Variants in FMN2 observed in about 807,000 individuals in gnomAD.
FMN2 encodes formin-2.
Under a neutral mutation model 142.3 loss-of-function variants are expected in FMN2, and 51 were observed. The ratio of observed to expected loss-of-function variants is 0.36; its 90% CI spans 0.29 to 0.45. The LOEUF (loss-of-function observed/expected upper bound fraction) is 0.45, where lower values mean the gene tolerates loss of function less well. Among genes scored for constraint, FMN2 ranks in the 20% least tolerant of loss-of-function variants. FMN2 has a pLI of 1.00. For missense variants in FMN2, 1,936 were observed against 2,122.8 expected (o/e 0.91, Z 1.73); for synonymous variants, 882 against 869.8 (o/e 1.01, Z -0.25).
chr1:240,311,501 C>G (rs1449621141), intron 8 of FMN2, among the ~76,000 whole-genome samples: 1 of 151,938 alleles, frequency 6.6e-6, no homozygotes, highest in African/African-American at 2.4e-5. Flanking sequence ...TGCAAGTATG[C>G]TCATTTTCAA....
At chr1:240,163,847 T>C (rs543837598) in intron 2 of FMN2, among the ~76,000 whole-genome samples, 1 of 152,012 alleles carries the variant, frequency 6.6e-6, no homozygotes, top group South Asian at 2.1e-4. Flanking sequence ...AAACTGTAAT[T>C]TTACCAACTA....
intron 7 of FMN2, among the ~76,000 whole-genome samples, chr1:240,289,333 T>G (rs945927153): frequency 6.6e-6 from 1 of 152,048 alleles, no homozygotes; most frequent in African/African-American, 2.4e-5. Context: ...GTTCCATAGC[T>G]TAAAATGTTG....
At chr1:240,433,898 A>AT (rs1346742703) in intron 15 of FMN2, among the ~76,000 whole-genome samples, 1 of 152,098 alleles carries the variant, frequency 6.6e-6, no homozygotes, top group Non-Finnish European at 1.5e-5. Flanking sequence ...GTTAGCTTTG[A>AT]TTTTTAATAT....
At chr1:240,282,503 T>C (rs1669433505) in intron 7 of FMN2, among the ~76,000 whole-genome samples, 1 of 152,184 alleles carries the variant, frequency 6.6e-6, no homozygotes, top group South Asian at 2.1e-4. Context: ...AAGAATGCTG[T>C]TGGTATATGT....
intron 6 of FMN2, among the ~76,000 whole-genome samples, chr1:240,249,154 T>C (rs1668190437): frequency 1.3e-5 from 2 of 152,168 alleles, no homozygotes; most frequent in Admixed American, 6.5e-5. Flanking sequence ...TTTGAGGTCT[T>C]AGCCATAAAA....
chr1:240,155,530 C>G lies in FMN2; in HGVS notation c.1783-22391C>G, dbSNP rs549416801. On this transcript the variant is annotated intron_variant, in intron 2 of 17. Coordinates refer to ENST00000319653, the MANE Select transcript of FMN2 (RefSeq NM_020066.5). The stretch of plus-strand genomic sequence containing the variant: ...TCCTGGCCTCAAGTGTTCCTCCTGC[C>G]TTGGCCTCTCAAAGTGCTGGGATTA... Among the ~76,000 whole-genome samples the G allele has an allele frequency of 2.6e-5, 4 of 152,238 alleles. No individual in the cohort carries two copies. The South Asian group carries it at 8.3e-4, about 32-fold the overall frequency.
rs145311572 is a variant in FMN2, at chr1:240,463,982, G to T, written c.5061-8390G>T. On this transcript the variant is annotated intron_variant, in intron 16 of 17. Transcript: ENST00000319653. The stretch of plus-strand genomic sequence containing the variant: ...CATGCTACTGTACTCCAGTCTGGGT[G>T]ACAGAGGGATACTCCATTGAAAAAA... Among the ~76,000 whole-genome samples the T allele has an allele frequency of 3.0e-3, 450 of 152,132 alleles. 2 individuals carry two copies. Among genetic ancestry groups the T allele is most frequent in the Non-Finnish European group, 5.3e-3 (358 of 67,996 alleles).
intron 16 of FMN2, among the ~76,000 whole-genome samples, chr1:240,470,877 G>A (rs1396092092): frequency 6.6e-6 from 1 of 150,434 alleles, no homozygotes; most frequent in Admixed American, 6.6e-5. Context: ...CTTACTATTT[G>A]TTTAATTAAA....
chr1:240,148,971 C>CA (rs57556688), intron 2 of FMN2, among the ~76,000 whole-genome samples: 12,841 of 143,788 alleles, frequency 0.089, 720 homozygotes, highest in African/African-American at 0.16. Flanking sequence ...GACTCCGTCT[C>CA]AAAAAAAAAT....
At position 240,208,561 on chromosome 1, in the gene FMN2, G is replaced by A. The variant is rs1301639371; in HGVS notation, c.3749G>A (p.Gly1250Glu). ...GGCCCTCCACTCCTCCCACAAGTTGGGAGTAGCACTTTACCAACCCCACAG... is the reference window on the plus strand; with the variant it reads ...GGCCCTCCACTCCTCCCACAAGTTGAGAGTAGCACTTTACCAACCCCACAG... ...VSGPPLLPQV[G>E]SSTLPTPQVC... The change falls in exon 5 of 18, where the codon GGG (glycine) becomes GAG (glutamate). Residue 1250 changes from glycine (G) to glutamate (E), a missense_variant. Around this residue, in one of 8 missense-constraint regions of FMN2, gnomAD observed 259 missense variants for 230.9 expected, o/e 1.12. Transcript: ENST00000319653. 1.2e-6 allele frequency: 2 copies of A among 1,613,344 alleles called. No homozygotes were observed. The highest frequency in any genetic ancestry group is 8.5e-7 in the Non-Finnish European group (1 of 1,179,934).
At chr1:240,418,484 C>T (rs976771326) in intron 15 of FMN2, among the ~76,000 whole-genome samples, 1 of 152,162 alleles carries the variant, frequency 6.6e-6, no homozygotes, top group African/African-American at 2.4e-5. Flanking sequence ...CGTGAGCCAC[C>T]ACGCCCAGCC....
chr1:240,278,614 T>G (rs1217291952), intron 7 of FMN2, among the ~76,000 whole-genome samples: 8 of 151,714 alleles, frequency 5.3e-5, no homozygotes, highest in Non-Finnish European at 8.9e-5. Flanking sequence ...AATTGCTTCT[T>G]CTTTAACAAT....
chr1:240,370,422 C>T (rs1672824874), intron 14 of FMN2, among the ~76,000 whole-genome samples: 1 of 152,140 alleles, frequency 6.6e-6, no homozygotes, highest in Non-Finnish European at 1.5e-5. Context: ...CTTACTTGCT[C>T]ATTTCTCTAC....
At chr1:240,148,007 C>T (rs1663560926) in intron 2 of FMN2, among the ~76,000 whole-genome samples, 1 of 152,196 alleles carries the variant, frequency 6.6e-6, no homozygotes, top group South Asian at 2.1e-4. Flanking sequence ...TTTGTTCTTT[C>T]ACTCACCTTT....
chr1:240,177,383 G>A (rs1664963957), intron 2 of FMN2, among the ~76,000 whole-genome samples: 1 of 143,220 alleles, frequency 7.0e-6, no homozygotes, highest in Non-Finnish European at 1.5e-5. Context: ...TTTTTTCTTA[G>A]CAGGTTCATT....
At chr1:240,272,970 A>C (rs923826525) in intron 7 of FMN2, among the ~76,000 whole-genome samples, 3 of 152,342 alleles carry the variant, frequency 2.0e-5, no homozygotes, top group Middle Eastern at 3.4e-3. Flanking sequence ...GAAAAAGCAC[A>C]GTTTCCAAAT....
At chr1:240,417,612 T>C (rs1266225897) in intron 15 of FMN2, among the ~76,000 whole-genome samples, 1 of 150,744 alleles carries the variant, frequency 6.6e-6, no homozygotes, top group Non-Finnish European at 1.5e-5. Context: ...GGAATTTCTT[T>C]CTCATTTTCT....
rs189417739 is a variant in FMN2 at position 240,209,809 on chromosome 1, C to G, written c.3920+1077C>G. On this transcript the variant is annotated intron_variant, in intron 5 of 17. Transcript: ENST00000319653. ...GTTCCAGCTACTCGGGAGGCTGAGGCAGGAGAATGGCATGAACCCGGGAGG... is the reference window on the plus strand; with the variant it reads ...GTTCCAGCTACTCGGGAGGCTGAGGGAGGAGAATGGCATGAACCCGGGAGG... Among the ~76,000 whole-genome samples, 761 of 151,776 alleles carry G rather than the reference C, an allele frequency of 5.0e-3. 2 individuals carry two copies. Among genetic ancestry groups the G allele is most frequent in the South Asian group, 0.015 (71 of 4,790 alleles).
chr1:240,439,279 A>AAAAAAAGAAAGAAAGAAAGAAAGAAAG (rs555074808), intron 16 of FMN2, among the ~76,000 whole-genome samples: 1 of 124,724 alleles, frequency 8.0e-6, no homozygotes, highest in African/African-American at 3.1e-5. Context: ...TCAAAAAAAA[A>AAAAAAAGAAAGAAAGAAAGAAAGAAAG]AAAGAAAGAA....
Sources: gnomAD v4.1 joint callset for allele counts (sites outside exome capture counted in the v4.1 genomes callset) on GRCh38, gnomAD v4.1.1 for gene constraint, gnomAD v4.1.1 regional missense constraint, MANE v1.5 for transcripts, NCBI Gene and HGNC (gene_info 2026-07-23, HGNC 2026-07-21) for gene names.